The following MACROD2 variants were observed in gnomAD, a reference collection of about 807,000 sequenced individuals.
The protein encoded by MACROD2 is mono-ADP ribosylhydrolase 2, also known as ADP-ribose glycohydrolase MACROD2.
In MACROD2, 36 loss-of-function variants were observed where a neutral mutation model predicts 70.4. The observed-to-expected ratio is 0.51, with a 90% CI of 0.39 to 0.68. The LOEUF (loss-of-function observed/expected upper bound fraction) is 0.68, where lower values mean the gene tolerates loss of function less well. Ranked by LOEUF, MACROD2 falls within the 30% of genes least tolerant of loss-of-function variation. The probability of loss-of-function intolerance (pLI) is 0.00; values close to 1 mark genes in which losing one functional copy is unlikely to be tolerated. For missense variants in MACROD2, 496 were observed against 538.4 expected (o/e 0.92, Z 0.78); for synonymous variants, 172 against 178.8 (o/e 0.96, Z 0.30).
intron 8 of MACROD2, among the ~76,000 whole-genome samples, chr20:15,659,304 CTTTTTTTTTTTT>C (rs11468344): frequency 7.4e-5 from 5 of 67,220 alleles, no homozygotes; most frequent in Admixed American, 7.4e-4. Context: ...GATAGCACAG[CTTTTTTTTTTTT>C]TTTTTTTTTT....
chr20:14,930,209 C>T (rs1449471129), intron 5 of MACROD2, among the ~76,000 whole-genome samples: 1 of 150,550 alleles, frequency 6.6e-6, no homozygotes, highest in African/African-American at 2.4e-5. Flanking sequence ...GGAACCAGGG[C>T]AGAGGCCAAA....
At chr20:14,742,973 A>G (rs1220140022) in intron 5 of MACROD2, among the ~76,000 whole-genome samples, 1 of 151,720 alleles carries the variant, frequency 6.6e-6, no homozygotes, top group Non-Finnish European at 1.5e-5. Flanking sequence ...TCACCGTTTT[A>G]GCCGGGATGG....
chr20:15,210,631 G>A (rs2076755242), intron 5 of MACROD2, among the ~76,000 whole-genome samples: 1 of 142,224 alleles, frequency 7.0e-6, no homozygotes, highest in Non-Finnish European at 1.5e-5. Context: ...ATTTTATATC[G>A]AATTGTAATC....
intron 5 of MACROD2, among the ~76,000 whole-genome samples, chr20:15,183,289 C>A (rs151021784): frequency 6.6e-6 from 1 of 152,146 alleles, no homozygotes; most frequent in African/African-American, 2.4e-5. Flanking sequence ...AATCCTAGAA[C>A]TTTGGGAGGC....
chr20:14,503,026 T>C (rs948256944), intron 4 of MACROD2, among the ~76,000 whole-genome samples: 2 of 152,202 alleles, frequency 1.3e-5, no homozygotes, highest in African/African-American at 4.8e-5. Flanking sequence ...GAGCTTAATG[T>C]AGTCTTCAGG....
chr20:15,695,814 G>C (rs540854009), intron 8 of MACROD2, among the ~76,000 whole-genome samples: 68 of 151,952 alleles, frequency 4.5e-4, no homozygotes, highest in Admixed American at 2.9e-3. Context: ...ATTATAATAG[G>C]GGTTGAGTTC....
intron 3 of MACROD2, among the ~76,000 whole-genome samples, chr20:14,456,046 A>G (rs2084298838): frequency 6.6e-6 from 1 of 151,808 alleles, no homozygotes; most frequent in Non-Finnish European, 1.5e-5. Flanking sequence ...TGAATTAAAG[A>G]ATTCTCTTGT....
At chr20:15,776,233 T>C (rs2051719595) in intron 8 of MACROD2, among the ~76,000 whole-genome samples, 1 of 152,172 alleles carries the variant, frequency 6.6e-6, no homozygotes, top group Non-Finnish European at 1.5e-5. Context: ...GTTCATGTCT[T>C]ACCCACCATC....
intron 13 of MACROD2, among the ~76,000 whole-genome samples, chr20:15,971,691 A>G (rs970827927): frequency 6.6e-6 from 1 of 152,198 alleles, no homozygotes; most frequent in African/African-American, 2.4e-5. Context: ...TGTGGGAATC[A>G]GGACTCAGAG....
At chr20:15,662,619 G>C (rs962249983) in intron 8 of MACROD2, among the ~76,000 whole-genome samples, 2 of 151,896 alleles carry the variant, frequency 1.3e-5, no homozygotes, top group African/African-American at 4.8e-5. Context: ...CTAAGGACAA[G>C]ATATGCCTTT....
intron 3 of MACROD2, among the ~76,000 whole-genome samples, chr20:14,191,354 A>C (rs2081386544): frequency 6.6e-6 from 1 of 152,178 alleles, no homozygotes; most frequent in South Asian, 2.1e-4. Context: ...ATCCTGAGAA[A>C]ATTACCACAG....
chr20:15,295,498 G>T (rs1471133619), intron 6 of MACROD2, among the ~76,000 whole-genome samples: 2 of 151,830 alleles, frequency 1.3e-5, no homozygotes, highest in Non-Finnish European at 2.9e-5. Flanking sequence ...CTAGATGGAG[G>T]GAAGTTTCTG....
intron 4 of MACROD2, among the ~76,000 whole-genome samples, chr20:14,501,986 C>T (rs1361616925): frequency 1.3e-5 from 2 of 152,032 alleles, no homozygotes; most frequent in African/African-American, 4.8e-5. Flanking sequence ...TATCTACTTG[C>T]GTTAAAGGTA....
At chr20:14,420,901 C>G (rs1206646075) in intron 3 of MACROD2, among the ~76,000 whole-genome samples, 1 of 152,058 alleles carries the variant, frequency 6.6e-6, no homozygotes, top group Non-Finnish European at 1.5e-5. Flanking sequence ...ATATGTTGCC[C>G]AGGCTGGTCT....
intron 8 of MACROD2, among the ~76,000 whole-genome samples, chr20:15,839,690 G>T (rs776634994): frequency 6.6e-6 from 1 of 152,190 alleles, no homozygotes; most frequent in Middle Eastern, 3.4e-3. Flanking sequence ...TCTATAAGAA[G>T]TATAATGAAA....
At chr20:14,484,750 G>C (rs997553109) in intron 3 of MACROD2, among the ~76,000 whole-genome samples, 1 of 152,092 alleles carries the variant, frequency 6.6e-6, no homozygotes, top group Non-Finnish European at 1.5e-5. Flanking sequence ...TTCCATCCTT[G>C]TTGTTGCAAA....
intron 3 of MACROD2, among the ~76,000 whole-genome samples, chr20:14,360,976 A>C (rs1177605087): frequency 2.0e-5 from 3 of 152,228 alleles, no homozygotes; most frequent in African/African-American, 7.2e-5. Flanking sequence ...AAGATCTGAA[A>C]AGCAGGGCTT....
At chr20:14,267,628 A>G (rs2082154679) in intron 3 of MACROD2, among the ~76,000 whole-genome samples, 1 of 152,128 alleles carries the variant, frequency 6.6e-6, no homozygotes, top group South Asian at 2.1e-4. Context: ...CTGGAAATCA[A>G]GGGTATAAAG....
rs553184730 is a variant in MACROD2, at chr20:14,461,689, T to C, written c.272-31790T>C. Among the ~76,000 whole-genome samples, 3 of 151,126 alleles carry C rather than the reference T, an allele frequency of 2.0e-5. No individual in the cohort carries two copies. In the East Asian group the frequency reaches 5.9e-4, roughly 30 times the overall value. On this transcript the variant is annotated intron_variant, in intron 3 of 17. Coordinates refer to ENST00000684519, the MANE Select transcript of MACROD2 (RefSeq NM_001351661.2). ...CCCCACAACAGTCCCCGGTGTGTGA[T>C]GTTCCCCTTCGTGTGTCCATGTGTT...
Sources: gnomAD v4.1 joint callset for allele counts (sites outside exome capture counted in the v4.1 genomes callset) on GRCh38, gnomAD v4.1.1 for gene constraint, MANE v1.5 for transcripts, NCBI Gene and HGNC (gene_info 2026-07-23, HGNC 2026-07-21) for gene names.